The following AGBL4 variants were observed in gnomAD, a reference collection of about 807,000 sequenced individuals.
AGBL4 encodes AGBL carboxypeptidase 4, also known as cytosolic carboxypeptidase 6.
AGBL4 carries 58 observed loss-of-function variants against 66.4 expected under a neutral mutation model. The observed-to-expected ratio is 0.87, with a 90% CI of 0.71 to 1.09. The LOEUF (loss-of-function observed/expected upper bound fraction) is 1.09, where lower values mean the gene tolerates loss of function less well. Among genes scored for constraint, AGBL4 ranks in the 50% least tolerant of loss-of-function variants. AGBL4 has a pLI of 0.00. For missense variants in AGBL4, 579 were observed against 631.0 expected (o/e 0.92, Z 0.88); for synonymous variants, 234 against 222.9 (o/e 1.05, Z -0.44).
intron 3 of AGBL4, among the ~76,000 whole-genome samples, chr1:49,530,893 C>T (rs922921145): frequency 2.6e-5 from 4 of 152,042 alleles, no homozygotes; most frequent in African/African-American, 9.7e-5. Context: ...ACAAATTACT[C>T]AACTTTTCTG....
intron 3 of AGBL4, among the ~76,000 whole-genome samples, chr1:49,482,880 C>A (rs555202621): frequency 2.8e-4 from 43 of 151,886 alleles, no homozygotes; most frequent in Middle Eastern, 6.8e-3. Flanking sequence ...CATTATTTAC[C>A]CAAAAGTCAT....
At chr1:48,624,158 T>G (rs1350600562) in intron 9 of AGBL4, among the ~76,000 whole-genome samples, 1 of 152,138 alleles carries the variant, frequency 6.6e-6, no homozygotes, top group Non-Finnish European at 1.5e-5. Flanking sequence ...TTTGTGAGCT[T>G]GAGAAGAGAT....
intron 4 of AGBL4, among the ~76,000 whole-genome samples, chr1:49,172,231 G>T (rs977638701): frequency 1.6e-4 from 25 of 152,176 alleles, no homozygotes; most frequent in African/African-American, 6.0e-4. Context: ...GCCACACTAA[G>T]CCCTGAGGAT....
chr1:49,478,110 G>C (rs920263243), intron 3 of AGBL4, among the ~76,000 whole-genome samples: 2 of 151,802 alleles, frequency 1.3e-5, no homozygotes, highest in African/African-American at 4.8e-5. Flanking sequence ...AGAGTCATTG[G>C]GCTTAAAGAG....
chr1:48,978,526 A>G (rs1659513956), intron 5 of AGBL4, among the ~76,000 whole-genome samples: 1 of 152,122 alleles, frequency 6.6e-6, no homozygotes, highest in Non-Finnish European at 1.5e-5. Flanking sequence ...CCTCTCCTCA[A>G]AGGTCTGAAT....
chr1:48,538,336 C>T (rs1030127740), intron 12 of AGBL4, among the ~76,000 whole-genome samples: 1 of 152,180 alleles, frequency 6.6e-6, no homozygotes, highest in African/African-American at 2.4e-5. Context: ...CTACTAGCTG[C>T]TGGGCACTAT....
chr1:49,556,184 G>A (rs1571023964), intron 3 of AGBL4, among the ~76,000 whole-genome samples: 1 of 152,090 alleles, frequency 6.6e-6, no homozygotes, highest in Non-Finnish European at 1.5e-5. Flanking sequence ...ATACACCATG[G>A]AATACTATGC....
intron 4 of AGBL4, among the ~76,000 whole-genome samples, chr1:49,157,623 T>A (rs1370425798): frequency 5.9e-5 from 9 of 152,002 alleles, no homozygotes; most frequent in African/African-American, 2.2e-4. Context: ...GGTCAAATGG[T>A]TTTCTGGGCC....
intron 4 of AGBL4, among the ~76,000 whole-genome samples, chr1:49,090,302 C>T (rs1435430291): frequency 2.0e-5 from 3 of 152,062 alleles, no homozygotes; most frequent in Admixed American, 6.6e-5. Context: ...AGACTATCCC[C>T]GTTTGCAGAC....
intron 1 of AGBL4, among the ~76,000 whole-genome samples, chr1:49,917,369 A>G (rs1460645298): frequency 1.3e-5 from 2 of 152,206 alleles, no homozygotes; most frequent in Middle Eastern, 3.4e-3. Flanking sequence ...CATAGGCTCA[A>G]AATAAAAGGA....
chr1:49,781,915 G>T (rs557298786), intron 2 of AGBL4, among the ~76,000 whole-genome samples: 3 of 151,940 alleles, frequency 2.0e-5, no homozygotes, highest in African/African-American at 7.3e-5. Context: ...GAGATTACAA[G>T]GGAAATTAGA....
At chr1:49,610,049 T>C (rs1425163319) in intron 3 of AGBL4, among the ~76,000 whole-genome samples, 5 of 151,942 alleles carry the variant, frequency 3.3e-5, no homozygotes, top group African/African-American at 1.2e-4. Context: ...CAAAGTAACA[T>C]GTAAGCAAAT....
chr1:49,611,088 G>A (rs187841688), intron 3 of AGBL4, among the ~76,000 whole-genome samples: 14 of 152,282 alleles, frequency 9.2e-5, no homozygotes, highest in African/African-American at 3.4e-4. Flanking sequence ...GCCATGGGGA[G>A]AGAGTAGTTA....
intron 5 of AGBL4, among the ~76,000 whole-genome samples, chr1:49,029,986 C>T (rs1664072119): frequency 6.6e-6 from 1 of 152,154 alleles, no homozygotes; most frequent in Non-Finnish European, 1.5e-5. Flanking sequence ...CATTTTCTTA[C>T]ACCATCTGCT....
intron 3 of AGBL4, among the ~76,000 whole-genome samples, chr1:49,419,100 G>A (rs1645488484): frequency 6.6e-6 from 1 of 152,066 alleles, no homozygotes; most frequent in South Asian, 2.1e-4. Context: ...TAACTGACCA[G>A]ATAAGTAAAT....
chr1:49,201,156 A>G (rs978793147), intron 4 of AGBL4, among the ~76,000 whole-genome samples: 2 of 152,078 alleles, frequency 1.3e-5, no homozygotes, highest in African/African-American at 4.8e-5. Context: ...AAGATCCACC[A>G]TCTCCATTCT....
chr1:49,868,457 A>G (rs1052354398), intron 1 of AGBL4, among the ~76,000 whole-genome samples: 22 of 152,190 alleles, frequency 1.4e-4, no homozygotes, highest in African/African-American at 5.1e-4. Context: ...GAATTCACAC[A>G]TCAACAACCA....
chr1:48,847,435 G>A lies in AGBL4; in HGVS notation c.634+19756C>T, dbSNP rs577688242. On this transcript the variant is annotated intron_variant, in intron 6 of 13. Transcript: ENST00000371839. ...AAAAAGCCTGTATTTTAGAATTGGC[G>A]TTCTCAGCCACTTATGATCCTGAGT... 3.3e-5 allele frequency among the ~76,000 whole-genome samples: 5 copies of A among 150,242 alleles called. No individual in the cohort carries two copies. In the East Asian group the frequency reaches 5.8e-4, roughly 18 times the overall value.
intron 5 of AGBL4, among the ~76,000 whole-genome samples, chr1:49,005,866 T>A (rs1232161745): frequency 6.6e-6 from 1 of 151,842 alleles, no homozygotes; most frequent in Non-Finnish European, 1.5e-5. Context: ...CTGGACATGG[T>A]GGTGTGTGCC....
Sources: allele counts gnomAD v4.1 joint callset (sites outside exome capture counted in the v4.1 genomes callset), GRCh38; gene constraint gnomAD v4.1.1; transcripts MANE v1.5; gene names NCBI Gene and HGNC (gene_info 2026-07-23, HGNC 2026-07-21).